The following MST1R variants were observed in gnomAD, a reference collection of about 807,000 sequenced individuals.
The protein encoded by MST1R is macrophage-stimulating protein receptor.
Under a neutral mutation model 117.8 loss-of-function variants are expected in MST1R, and 99 were observed. The ratio of observed to expected loss-of-function variants is 0.84; its 90% confidence interval spans 0.71 to 0.99. The LOEUF (loss-of-function observed/expected upper bound fraction) is 0.99, where lower values mean the gene tolerates loss of function less well. Ranked by LOEUF, MST1R falls within the 50% of genes least tolerant of loss-of-function variation. MST1R has a pLI of 0.00. For synonymous variants in MST1R, 734 were observed against 765.3 expected (o/e 0.96, Z 0.68); for missense variants, 1,683 against 1,840.2 (o/e 0.91, Z 1.56).
intron 1 of MST1R, among the ~76,000 whole-genome samples, chr3:49,900,191 G>A (rs2082630526): frequency 6.6e-6 from 1 of 152,148 alleles, no homozygotes; most frequent in African/African-American, 2.4e-5. Context: ...CCCCTTCAGG[G>A]TACAAAAGGG....
In MST1R at chr3:49,896,023, C is replaced by A; in HGVS notation, c.2734G>T (p.Asp912Tyr). 1 of 1,602,494 alleles carries A rather than the reference C, an allele frequency of 6.2e-7. No homozygotes were observed. The highest frequency in any genetic ancestry group is 8.5e-7 in the Non-Finnish European group (1 of 1,174,484). The part of the protein sequence containing the change: ...GESCQHEFRG[D>Y]MVVCPLPPSL... ...GGGGGCAGGGGGCAGACAACCATGT[C>A]CCCCCGGAACTCGTGCTGGCAGCTC... The change falls in exon 11 of 20, where the codon GAC becomes TAC. Residue 912 changes from aspartate (D) to tyrosine (Y), a missense_variant. Transcript: ENST00000296474.
Position 49,891,259 on chromosome 3 carries a change from G to T in MST1R, c.3582C>A (p.Arg1194=), listed in dbSNP as rs745538801. The T allele has an allele frequency of 6.2e-7, 1 of 1,614,000 alleles. No homozygotes were observed. The highest frequency in any genetic ancestry group is 1.3e-5 in the African/African-American group (1 of 74,912). Residue 1194 remains arginine (R), a synonymous_variant, in exon 17 of 20, where the codon CGC becomes CGA. Transcript: ENST00000296474. ...TCTGCTCTGCCAGGTACTCCATGCC[G>T]CGGGCTACCTGCAGGCCAAAGCTGA... ...DLISFGLQVA[R]GMEYLAEQKF...
rs748695749 is a variant in MST1R, at chr3:49,891,186, T to C, written c.3644+11A>G. On this transcript the variant is annotated intron_variant, in intron 17 of 19. Transcript: ENST00000296474. ...TCCTTTTGCTTCACCCCAGCTACTCTGGACTCTCACATGCAGTTCCGCGCA... is the reference window on the plus strand; with the variant it reads ...TCCTTTTGCTTCACCCCAGCTACTCCGGACTCTCACATGCAGTTCCGCGCA... 9.9e-6 allele frequency: 16 copies of C among 1,612,704 alleles called. No homozygotes were observed. In the African/African-American group the frequency reaches 1.9e-4, roughly 19 times the overall value.
In MST1R at chr3:49,889,981, G is replaced by A. The variant is rs775312220; in HGVS notation, c.3890C>T (p.Thr1297Ile). The change falls in exon 19 of 20, where the codon ACC becomes ATC. Residue 1297 changes from threonine (T) to isoleucine (I), a missense_variant. Transcript: ENST00000296474. ...GCGCCGACCCTGGGCCAGGAAGTGGGTAAGGTCAAAAGGGTCAATGTGGCG... is the reference window on the plus strand; with the variant it reads ...GCGCCGACCCTGGGCCAGGAAGTGGATAAGGTCAAAAGGGTCAATGTGGCG... ...PYRHIDPFDL[T>I]HFLAQGRRLP... 2 of 1,614,144 alleles carry A rather than the reference G, an allele frequency of 1.2e-6. No individual in the cohort carries two copies.
Position 49,895,533 on chromosome 3 carries a change from A to C in MST1R, c.2978T>G (p.Leu993Arg). 2.5e-6 allele frequency: 4 copies of C among 1,614,148 alleles called. No individual in the cohort carries two copies. The highest frequency in any genetic ancestry group is 3.4e-6 in the Non-Finnish European group (4 of 1,180,016). The change falls in exon 13 of 20, where the codon CTG (leucine) becomes CGG (arginine). Residue 993 changes from leucine (L) to arginine (R), a missense_variant. By Grantham distance (102) the Leu-to-Arg change is moderately radical. Transcript: ENST00000296474. ...RRKQLVLPPNLNDLASLDQTA... is the reference protein window; with the variant it reads ...RRKQLVLPPNRNDLASLDQTA... Reference sequence around the variant, plus strand: ...CTGGTCCAGGGATGCCAGGTCATTCAGGTTGGGAGGAAGAACTGTGGAAAG... The same window carrying C: ...CTGGTCCAGGGATGCCAGGTCATTCCGGTTGGGAGGAAGAACTGTGGAAAG...
rs1401021348 is a variant in MST1R, at chr3:49,890,550, G to A, written c.3745C>T (p.Leu1249=). The A allele has an allele frequency of 3.1e-6, 5 of 1,614,168 alleles. No individual in the cohort carries two copies. The highest frequency in any genetic ancestry group is 4.2e-6 in the Non-Finnish European group (5 of 1,180,022). Residue 1249 remains leucine (L), a synonymous_variant, in exon 18 of 20, where the codon CTA becomes TTA. Transcript: ENST00000296474. ...TCCAGCGCCATCCACTTCACAGGTA[G>A]GCGAGCGTGGCGATGCTGTTGAACA... The part of the protein sequence containing the change: ...YSVQQHRHAR[L]PVKWMALESL...
At chr3:49,891,613 G>T in intron 15 of MST1R, 33 bp from the exon 16 acceptor site, 1 of 1,612,460 alleles carries the variant, frequency 6.2e-7, no homozygotes, top group Non-Finnish European at 8.5e-7. Flanking sequence ...CACAGGGCAG[G>T]GCGTCCCTTT....
intron 1 of MST1R, among the ~76,000 whole-genome samples, chr3:49,900,723 G>A (rs933932619): frequency 1.3e-5 from 2 of 152,152 alleles, no homozygotes; most frequent in South Asian, 4.1e-4. Flanking sequence ...GCTCTGAAGG[G>A]GAATAGAGCC....
At position 49,899,200 on chromosome 3, in the gene MST1R, T is replaced by C; in HGVS notation, c.1294A>G (p.Ser432Gly). 6.2e-7 allele frequency: 1 copy of C among 1,614,080 alleles called. No individual in the cohort carries two copies. The highest frequency in any genetic ancestry group is 8.5e-7 in the Non-Finnish European group (1 of 1,179,986). The change falls in exon 2 of 20, where the codon AGC becomes GGC. Residue 432 changes from serine to glycine, a missense_variant. Transcript: ENST00000296474. ...CRHFPLLVSS[S>G]FSRVDLFNGL... ...TTGAATAGGTCCACACGTGAGAAGC[T>C]GCTACTGACCAGCAGAGGGAAGTGG...
intron 1 of MST1R, 127 bp downstream of exon 1, chr3:49,902,253 G>T: frequency 7.5e-7 from 1 of 1,338,178 alleles, no homozygotes; most frequent in Non-Finnish European, 1.0e-6. Context: ...AACTGGGTGA[G>T]AGAGAATGCT....
Position 49,897,426 on chromosome 3 carries a change from C to T in MST1R, c.2047-10G>A. The T allele has an allele frequency of 6.2e-7, 1 of 1,612,740 alleles. No homozygotes were observed. On this transcript the variant is annotated splice_polypyrimidine_tract_variant and intron_variant, in intron 6 of 19. Coordinates refer to ENST00000296474, the MANE Select transcript of MST1R (RefSeq NM_002447.4). ...CTATCAGCACTGGCTCCTAAGAGGA[C>T]ATAGAGGTGGCTTAGGCAGGTCCTC...
chr3:49,899,773 G>A (rs1447190042), intron 1 of MST1R, among the ~76,000 whole-genome samples: 1 of 151,460 alleles, frequency 6.6e-6, no homozygotes, highest in Non-Finnish European at 1.5e-5. Flanking sequence ...GGGGTTTCAC[G>A]ATGTTGGCCA....
chr3:49,898,791 C>T (rs2082568639), intron 3 of MST1R, 76 bp downstream of exon 3: 2 of 1,607,186 alleles, frequency 1.2e-6, no homozygotes, highest in Non-Finnish European at 1.7e-6. Flanking sequence ...GCCTGTATGT[C>T]AATGCCTCCC....
At position 49,899,068 on chromosome 3, in the gene MST1R, G is replaced by C. The variant is rs764106535; in HGVS notation, c.1419+7C>G. On this transcript the variant is annotated splice_region_variant and intron_variant, in intron 2 of 19. Transcript: ENST00000296474. ...AGGGCTAGGGGACTGTGGGGATGAG[G>C]ACCCACCTGCAGGATACGCCCATCC... is the stretch of plus-strand genomic sequence containing the variant. 6.2e-7 allele frequency: 1 copy of C among 1,614,114 alleles called. No individual in the cohort carries two copies. The highest frequency in any genetic ancestry group is 8.5e-7 in the Non-Finnish European group (1 of 1,180,040).
chr3:49,889,006 C>G (rs2082238346), intron 19 of MST1R, among the ~76,000 whole-genome samples: 1 of 152,220 alleles, frequency 6.6e-6, no homozygotes, highest in African/African-American at 2.4e-5. Context: ...AAGCTCACAT[C>G]CCCTCACCAG....
In MST1R at chr3:49,902,969, C is replaced by T. The variant is rs760399844; in HGVS notation, c.641G>A (p.Arg214His). The T allele has an allele frequency of 1.9e-6, 3 of 1,613,158 alleles. No individual in the cohort carries two copies. The highest frequency in any genetic ancestry group is 2.2e-5 in the South Asian group (2 of 91,042). Residue 214 changes from arginine to histidine, a missense_variant, in exon 1 of 20, where the codon CGC (arginine) becomes CAC (histidine). Transcript: ENST00000296474. The part of the protein sequence containing the change: ...DAAVAASFSP[R>H]SVSIRRLKAD... ...CTTGAGACGCCTGATAGACACTGAG[C>T]GTGGGCTGAAGCTGGCAGCCACGGC...
At chr3:49,901,602 C>T (rs1183483985) in intron 1 of MST1R, among the ~76,000 whole-genome samples, 1 of 152,138 alleles carries the variant, frequency 6.6e-6, no homozygotes, top group Non-Finnish European at 1.5e-5. Flanking sequence ...CTCCCAGAAC[C>T]TTCTAGAACC....
rs781591594 is a variant in MST1R, at chr3:49,902,423, C to T, written c.1187G>A (p.Arg396Gln). 3.5e-5 allele frequency: 56 copies of T among 1,614,000 alleles called. No homozygotes were observed. The highest frequency in any genetic ancestry group is 4.2e-5 in the Non-Finnish European group (50 of 1,180,044). The change falls in exon 1 of 20, where the codon CGA becomes CAA. Residue 396 changes from arginine (R) to glutamine (Q), a missense_variant. Coordinates refer to ENST00000296474, the MANE Select transcript of MST1R (RefSeq NM_002447.4). ...GGGCGACTGGAAGAAGTCGAGGCCT[C>T]GCCGGAGGCCTGGATGGACTGGGGA... ...CESPVHPGLR[R>Q]GLDFFQSPSF...
chr3:49,891,336 G>A (rs1353599231), intron 16 of MST1R, 30 bp from the exon 17 acceptor site: 3 of 1,613,754 alleles, frequency 1.9e-6, no homozygotes, highest in Non-Finnish European at 2.5e-6. Flanking sequence ...GGTGGGCAAG[G>A]GCACAGCAGC....
Sources: gnomAD v4.1 joint callset for allele counts (sites outside exome capture counted in the v4.1 genomes callset) on GRCh38, gnomAD v4.1.1 for gene constraint, MANE v1.5 for transcripts, NCBI Gene and HGNC (gene_info 2026-07-23, HGNC 2026-07-21) for gene names.